LPP: variants seen among roughly 807,000 people sequenced by gnomAD.
LPP encodes the protein LIM domain containing preferred translocation partner in lipoma.
LPP carries 38 observed loss-of-function variants against 60.4 expected under a neutral mutation model. That is an observed-to-expected ratio of 0.63 (90% CI 0.49 to 0.83). LPP has a LOEUF of 0.83. LPP is among the 40% of genes least tolerant of loss of function. The probability of loss-of-function intolerance (pLI) is 0.00; values close to 1 mark genes in which losing one functional copy is unlikely to be tolerated. For missense variants in LPP, 902 were observed against 783.6 expected (o/e 1.15, Z -1.80); for synonymous variants, 328 against 290.8 (o/e 1.13, Z -1.30).
At chr3:188,420,100 A>G (rs1787388833) in intron 4 of LPP, among the ~76,000 whole-genome samples, 1 of 152,072 alleles carries the variant, frequency 6.6e-6, no homozygotes, top group African/African-American at 2.4e-5. Flanking sequence ...AATTCTGATT[A>G]TAAAATTTTA....
At chr3:188,244,333 C>T (rs575967839) in intron 2 of LPP, among the ~76,000 whole-genome samples, 1 of 152,288 alleles carries the variant, frequency 6.6e-6, no homozygotes, top group South Asian at 2.1e-4. Flanking sequence ...TGCAGTTTTG[C>T]ATAGCTAGGA....
chr3:188,680,973 C>T (rs1859354258), intron 7 of LPP, among the ~76,000 whole-genome samples: 1 of 149,810 alleles, frequency 6.7e-6, no homozygotes, highest in Non-Finnish European at 1.5e-5. Context: ...ACCCCCAGCT[C>T]TATCTTCCCA....
At chr3:188,176,347 T>G (rs965839365) in intron 1 of LPP, among the ~76,000 whole-genome samples, 3 of 152,214 alleles carry the variant, frequency 2.0e-5, no homozygotes, top group African/African-American at 7.2e-5. Flanking sequence ...AAAAAAGAGT[T>G]TTTGAAGATG....
intron 1 of LPP, among the ~76,000 whole-genome samples, chr3:188,169,813 T>C (rs1721031863): frequency 6.6e-6 from 1 of 152,146 alleles, no homozygotes; most frequent in East Asian, 1.9e-4. Flanking sequence ...CCAGAAGGGG[T>C]ACTCAGACAT....
chr3:188,656,960 CT>C (rs1305596018), intron 7 of LPP, among the ~76,000 whole-genome samples: 1 of 152,042 alleles, frequency 6.6e-6, no homozygotes, highest in Non-Finnish European at 1.5e-5. Flanking sequence ...CATGATACCA[CT>C]TCTAGCTAAC....
intron 2 of LPP, among the ~76,000 whole-genome samples, chr3:188,266,561 A>T (rs977891765): frequency 6.6e-6 from 1 of 151,856 alleles, no homozygotes; most frequent in Non-Finnish European, 1.5e-5. Flanking sequence ...ACAGAGAGAG[A>T]GAGAGAGAGA....
intron 1 of LPP, among the ~76,000 whole-genome samples, chr3:188,165,120 T>TA (rs1257838852): frequency 1.3e-5 from 2 of 151,586 alleles, no homozygotes; most frequent in African/African-American, 2.4e-5. Flanking sequence ...AAAATAAAAA[T>TA]AAAAAAATTA....
chr3:188,502,808 G>GA (rs1002377251), intron 5 of LPP, among the ~76,000 whole-genome samples: 3 of 152,022 alleles, frequency 2.0e-5, no homozygotes, highest in African/African-American at 7.2e-5. Context: ...CAGACAGTTG[G>GA]AAAAAAATCA....
intron 2 of LPP, among the ~76,000 whole-genome samples, chr3:188,320,572 T>C (rs1384236728): frequency 1.3e-5 from 2 of 152,202 alleles, no homozygotes; most frequent in Admixed American, 6.5e-5. Context: ...CAACTAATCC[T>C]TTTCCTTTCT....
intron 3 of LPP, among the ~76,000 whole-genome samples, chr3:188,377,926 A>T (rs1401146103): frequency 1.3e-5 from 2 of 152,098 alleles, no homozygotes; most frequent in Non-Finnish European, 2.9e-5. Flanking sequence ...CTTCTAACAG[A>T]CAGGACCCTC....
Position 188,636,843 on chromosome 3 carries a change from G to A in LPP, c.1113+26999G>A, listed in dbSNP as rs1034590929. Among the ~76,000 whole-genome samples, 184 of 150,756 alleles carry A rather than the reference G, an allele frequency of 1.2e-3. 1 individual carries two copies. The highest frequency in any genetic ancestry group is 1.4e-3 in the Non-Finnish European group (98 of 67,794). ...GGTATTCCAACAGACCTGCAGCTGAGGGTCCTGTCTGTTAGAAGGAAAACT... is the reference window on the plus strand; with the variant it reads ...GGTATTCCAACAGACCTGCAGCTGAAGGTCCTGTCTGTTAGAAGGAAAACT... On this transcript the variant is annotated intron_variant, in intron 7 of 11. Transcript: ENST00000617246.
At chr3:188,430,166 A>G (rs1790532004) in intron 4 of LPP, among the ~76,000 whole-genome samples, 1 of 152,134 alleles carries the variant, frequency 6.6e-6, no homozygotes, top group Admixed American at 6.5e-5. Context: ...TACTAGGCCT[A>G]AAGGAGCATA....
intron 9 of LPP, among the ~76,000 whole-genome samples, chr3:188,779,479 G>A (rs1178434836): frequency 6.6e-6 from 1 of 152,090 alleles, no homozygotes; most frequent in African/African-American, 2.4e-5. Flanking sequence ...CAATGGGTCG[G>A]TCTTGGAATA....
chr3:188,214,873 G>A (rs1480773271), intron 1 of LPP, among the ~76,000 whole-genome samples: 2 of 152,156 alleles, frequency 1.3e-5, no homozygotes, highest in African/African-American at 4.8e-5. Flanking sequence ...TTGCTTAATG[G>A]GTGCCAAGCA....
At chr3:188,241,206 A>C in intron 2 of LPP, among the ~76,000 whole-genome samples, 1 of 152,316 alleles carries the variant, frequency 6.6e-6, no homozygotes, top group Admixed American at 6.5e-5. Flanking sequence ...CTACTGATAT[A>C]GCATGAATCC....
chr3:188,199,240 T>C (rs1730360652), intron 1 of LPP, among the ~76,000 whole-genome samples: 1 of 152,090 alleles, frequency 6.6e-6, no homozygotes, highest in Non-Finnish European at 1.5e-5. Flanking sequence ...GAGTGAGCAT[T>C]AGCAGGTGCA....
chr3:188,702,963 C>T (rs960569537), intron 7 of LPP, among the ~76,000 whole-genome samples: 7 of 152,106 alleles, frequency 4.6e-5, no homozygotes, highest in South Asian at 2.1e-4. Context: ...CCAGTTTCAA[C>T]GTTCTGCTGT....
intron 9 of LPP, among the ~76,000 whole-genome samples, chr3:188,860,418 C>G (rs1408476182): frequency 4.6e-5 from 7 of 152,044 alleles, no homozygotes; most frequent in Non-Finnish European, 4.4e-5. Flanking sequence ...TTTTTCACAT[C>G]CCAGTTCATG....
intron 4 of LPP, among the ~76,000 whole-genome samples, chr3:188,414,596 C>A (rs888262543): frequency 6.6e-6 from 1 of 152,144 alleles, no homozygotes; most frequent in East Asian, 1.9e-4. Context: ...ACTATATAAA[C>A]TGTAAAATTC....
Sources: gnomAD v4.1 joint callset for allele counts (sites outside exome capture counted in the v4.1 genomes callset) on GRCh38, gnomAD v4.1.1 for gene constraint, MANE v1.5 for transcripts, NCBI Gene and HGNC (gene_info 2026-07-23, HGNC 2026-07-21) for gene names.